The following FAM135B variants were observed in gnomAD, a reference collection of about 807,000 sequenced individuals.
FAM135B encodes the protein protein FAM135B.
A neutral mutation model predicts 127.7 loss-of-function variants in FAM135B; 43 were observed. That is an observed-to-expected ratio of 0.34 (90% confidence interval 0.26 to 0.43). The LOEUF (loss-of-function observed/expected upper bound fraction) is 0.43. FAM135B is among the 20% of genes least tolerant of loss of function. The pLI is 1.00. For missense variants in FAM135B, 1,558 were observed against 1,725.6 expected (o/e 0.90, Z 1.72); for synonymous variants, 670 against 665.1 (o/e 1.01, Z -0.11).
At chr8:138,194,162 C>A (rs1371374505) in intron 9 of FAM135B, among the ~76,000 whole-genome samples, 2 of 152,126 alleles carry the variant, frequency 1.3e-5, no homozygotes, top group Non-Finnish European at 2.9e-5. Flanking sequence ...AGTCTGCTGG[C>A]CCTGCATTTT....
At chr8:138,460,122 T>C (rs1158973772) in intron 1 of FAM135B, among the ~76,000 whole-genome samples, 1 of 152,248 alleles carries the variant, frequency 6.6e-6, no homozygotes, top group Non-Finnish European at 1.5e-5. Flanking sequence ...TGATACACCA[T>C]GCTAAGCAGT....
At chr8:138,274,817 G>A (rs189800254) in intron 3 of FAM135B, among the ~76,000 whole-genome samples, 102 of 152,176 alleles carry the variant, frequency 6.7e-4, no homozygotes, top group Non-Finnish European at 1.0e-3. Flanking sequence ...TGTTCCACCC[G>A]GCTCACCGGC....
chr8:138,429,474 C>A (rs549381320), intron 1 of FAM135B, among the ~76,000 whole-genome samples: 1 of 152,120 alleles, frequency 6.6e-6, no homozygotes, highest in Non-Finnish European at 1.5e-5. Context: ...TTTAACTGCA[C>A]CTTCTTGGCA....
At chr8:138,218,805 G>GAGAGAGAGA (rs1563784019) in intron 7 of FAM135B, among the ~76,000 whole-genome samples, 3 of 16,892 alleles carry the variant, frequency 1.8e-4, no homozygotes, top group African/African-American at 4.1e-4. Flanking sequence ...AGAGAGAGAG[G>GAGAGAGAGA]GAGAGAAAGA....
chr8:138,237,150 A>ATTTTTTTTTTTTTTTT (rs10604150), intron 7 of FAM135B, among the ~76,000 whole-genome samples: 2 of 101,320 alleles, frequency 2.0e-5, no homozygotes, highest in Non-Finnish European at 3.7e-5. Context: ...TGGATCCTTG[A>ATTTTTTTTTTTTTTTT]TTTTTTTTTT....
chr8:138,203,727 T>G (rs908831512), intron 7 of FAM135B, among the ~76,000 whole-genome samples: 2 of 152,168 alleles, frequency 1.3e-5, no homozygotes, highest in African/African-American at 4.8e-5. Context: ...GGGATGGTTT[T>G]GGGATGATTC....
In FAM135B at chr8:138,243,031, C is replaced by T; in HGVS notation, c.580G>A (p.Gly194Ser). 2 of 1,613,152 alleles carry T rather than the reference C, an allele frequency of 1.2e-6. No homozygotes were observed. The highest frequency in any genetic ancestry group is 8.5e-7 in the Non-Finnish European group (1 of 1,179,682). Residue 194 changes from glycine to serine, a missense_variant, in exon 7 of 20, where the codon GGT becomes AGT. Gly to Ser is a moderately conservative substitution (Grantham distance 56). This residue lies in a region of FAM135B where 127 missense variants were observed against 109.7 expected (regional missense o/e 1.16). Transcript: ENST00000395297. The surrounding 1 kb of genome is among the most constrained non-coding windows in gnomAD (Gnocchi z 7.5). ...TGTTCTTGTCCGGTGTCTGGGCCACCTTTACCAAGCCAGGAGCCTCTTCCT... is the reference window on the plus strand; with the variant it reads ...TGTTCTTGTCCGGTGTCTGGGCCACTTTTACCAAGCCAGGAGCCTCTTCCT... ...RPGRGSWLGK[G>S]GPDTGQEQSI...
In FAM135B at chr8:138,137,124, A is replaced by G. The variant is rs369932293; in HGVS notation, c.4015+23T>C. On this transcript the variant is annotated intron_variant, in intron 19 of 19. Coordinates refer to ENST00000395297, the MANE Select transcript of FAM135B (RefSeq NM_015912.4). ...TGCTTTTCAAATTAGAAAGTCCCTGAGCAAAAATTAAATGTAGCTTACCTG... is the reference window on the plus strand; with the variant it reads ...TGCTTTTCAAATTAGAAAGTCCCTGGGCAAAAATTAAATGTAGCTTACCTG... The G allele has an allele frequency of 3.1e-5, 38 of 1,234,458 alleles. No homozygotes were observed. The Admixed American group carries it at 3.7e-4, about 12-fold the overall frequency. The allele number at this position is 1,234,458 out of a possible 1,614,324, so 76.5% of individuals were successfully genotyped here.
At chr8:138,435,474 T>G (rs2131524654) in intron 1 of FAM135B, among the ~76,000 whole-genome samples, 1 of 152,298 alleles carries the variant, frequency 6.6e-6, no homozygotes, top group Non-Finnish European at 1.5e-5. Context: ...GGTGTACTGC[T>G]TTATGATGCA....
chr8:138,180,162 T>A (rs1331398342), intron 9 of FAM135B, among the ~76,000 whole-genome samples: 2 of 152,016 alleles, frequency 1.3e-5, no homozygotes, highest in African/African-American at 4.8e-5. Flanking sequence ...AGAAGAGAGG[T>A]CACATCTCTG....
At chr8:138,238,167 C>A (rs774667042) in intron 7 of FAM135B, among the ~76,000 whole-genome samples, 1 of 152,184 alleles carries the variant, frequency 6.6e-6, no homozygotes, top group Admixed American at 6.5e-5. Context: ...CACCACAAGG[C>A]TGCATTGAAG....
chr8:138,321,384 G>A (rs16908814), intron 2 of FAM135B, among the ~76,000 whole-genome samples: 4,971 of 152,258 alleles, frequency 0.033, 234 homozygotes, highest in African/African-American at 0.11. Flanking sequence ...GGTGGGACAC[G>A]TTTCAGGGAT....
At chr8:138,279,968 A>G (rs60459447) in intron 3 of FAM135B, among the ~76,000 whole-genome samples, 5,756 of 152,300 alleles carry the variant, frequency 0.038, 280 homozygotes, top group African/African-American at 0.11. Context: ...ACTCACTCCT[A>G]TATCTGAAAA....
In FAM135B at chr8:138,132,770, G is replaced by A. The variant is rs1816311409; in HGVS notation, c.4044C>T (p.Asn1348=). ...TGGCTTCAACCAGAGGGCCCAGGAG[G>A]TTGTTGATCATTTCTGCATAAACTG... is the stretch of plus-strand genomic sequence containing the variant. ...TGPVYAEMIN[N]LLGPLVEAKD... The change falls in exon 20 of 20, where the codon AAC becomes AAT. Residue 1348 remains asparagine, a synonymous_variant. Transcript: ENST00000395297. The surrounding 1 kb of genome is among the most constrained non-coding windows in gnomAD (Gnocchi z 4.5). 1 of 1,614,024 alleles carries A rather than the reference G, an allele frequency of 6.2e-7. No individual in the cohort carries two copies. Among genetic ancestry groups the A allele is most frequent in the Non-Finnish European group, 8.5e-7 (1 of 1,180,006 alleles).
intron 1 of FAM135B, among the ~76,000 whole-genome samples, chr8:138,375,136 A>AC (rs1831383066): frequency 1.3e-5 from 2 of 152,174 alleles, no homozygotes; most frequent in South Asian, 4.1e-4. Context: ...GCTCTGGCAA[A>AC]AAAAAAACTG....
chr8:138,156,923 G>A (rs538781548), intron 12 of FAM135B, among the ~76,000 whole-genome samples: 3 of 152,138 alleles, frequency 2.0e-5, no homozygotes, highest in Admixed American at 6.5e-5. Flanking sequence ...AGAAAAAGAG[G>A]GAATCCTCCC....
intron 7 of FAM135B, among the ~76,000 whole-genome samples, chr8:138,232,054 T>C (rs1319279864): frequency 1.3e-5 from 2 of 152,248 alleles, no homozygotes; most frequent in Admixed American, 1.3e-4. Flanking sequence ...AGGATCTGAA[T>C]GGTTAAACGG....
intron 14 of FAM135B, among the ~76,000 whole-genome samples, chr8:138,147,272 T>C (rs1197503717): frequency 1.5e-5 from 2 of 133,738 alleles, no homozygotes; most frequent in African/African-American, 5.2e-5. Context: ...TGCCAGGGCC[T>C]GCCTTAGGAA....
intron 1 of FAM135B, among the ~76,000 whole-genome samples, chr8:138,473,201 A>C (rs1587537085): frequency 6.6e-6 from 1 of 152,138 alleles, no homozygotes; most frequent in Non-Finnish European, 1.5e-5. Context: ...GAGAACCTCA[A>C]AGTGAGCACT....
Sources: gnomAD v4.1 joint callset for allele counts (sites outside exome capture counted in the v4.1 genomes callset) on GRCh38, gnomAD v4.1.1 for gene constraint, gnomAD v4.1.1 regional missense constraint, Gnocchi (gnomAD v3.1) non-coding constraint, MANE v1.5 for transcripts, NCBI Gene and HGNC (gene_info 2026-07-23, HGNC 2026-07-21) for gene names.